EPHB1: variants seen among roughly 807,000 people sequenced by gnomAD.
EPHB1 encodes the protein EPH receptor B1, also known as ephrin type-B receptor 1.
In EPHB1, 30 loss-of-function variants were observed where a neutral mutation model predicts 94.4. The observed-to-expected ratio is 0.32, with a 90% confidence interval of 0.24 to 0.43. The LOEUF is 0.43. Among genes scored for constraint, EPHB1 ranks in the 20% least tolerant of loss-of-function variants. The probability of loss-of-function intolerance (pLI) is 1.00; values close to 1 mark genes in which losing one functional copy is unlikely to be tolerated. For synonymous variants in EPHB1, 522 were observed against 489.1 expected (o/e 1.07, Z -0.89); for missense variants, 1,055 against 1,308.3 (o/e 0.81, Z 2.99).
At chr3:134,936,654 C>T (rs1164926971) in intron 2 of EPHB1, among the ~76,000 whole-genome samples, 1 of 152,226 alleles carries the variant, frequency 6.6e-6, no homozygotes. Flanking sequence ...TCCATGCATG[C>T]TTGCATGCTG....
intron 3 of EPHB1, among the ~76,000 whole-genome samples, chr3:135,006,617 C>T (rs923253882): frequency 1.2e-4 from 19 of 152,248 alleles, no homozygotes; most frequent in African/African-American, 3.9e-4. Flanking sequence ...ATTGCTTAAC[C>T]CCAAAAGTTC....
intron 1 of EPHB1, among the ~76,000 whole-genome samples, chr3:134,811,054 C>T (rs2036164085): frequency 6.6e-6 from 1 of 151,970 alleles, no homozygotes; most frequent in South Asian, 2.1e-4. Context: ...CCCAGCTGAT[C>T]TCTCACTTCC....
chr3:135,077,174 C>G (rs1937964850), intron 3 of EPHB1, among the ~76,000 whole-genome samples: 1 of 152,120 alleles, frequency 6.6e-6, no homozygotes, highest in Non-Finnish European at 1.5e-5. Flanking sequence ...GAACCATGGA[C>G]AGGGAGAGAA....
chr3:134,853,804 C>T (rs1027578266), intron 1 of EPHB1, among the ~76,000 whole-genome samples: 2 of 152,082 alleles, frequency 1.3e-5, no homozygotes, highest in African/African-American at 2.4e-5. Flanking sequence ...TTTGGTCTTC[C>T]CTGCCCAGGG....
At chr3:135,258,577 A>C (rs2107736114) in intron 15 of EPHB1, among the ~76,000 whole-genome samples, 1 of 152,298 alleles carries the variant, frequency 6.6e-6, no homozygotes. Context: ...AAAACATCAG[A>C]AGACCAGGTG....
chr3:135,046,999 A>C (rs1358217599), intron 3 of EPHB1, among the ~76,000 whole-genome samples: 1 of 152,184 alleles, frequency 6.6e-6, no homozygotes, highest in African/African-American at 2.4e-5. Flanking sequence ...TGATGTAATG[A>C]GTCTGACTGA....
chr3:134,883,317 T>C (rs1459296871), intron 1 of EPHB1, among the ~76,000 whole-genome samples: 1 of 152,178 alleles, frequency 6.6e-6, no homozygotes. Context: ...CAGGCAGACA[T>C]GAGTGGCCAT....
At chr3:134,816,426 T>G (rs2036275084) in intron 1 of EPHB1, among the ~76,000 whole-genome samples, 1 of 152,066 alleles carries the variant, frequency 6.6e-6, no homozygotes, top group South Asian at 2.1e-4. Context: ...AGTGTTGGAT[T>G]CAGACAGGTC....
At chr3:135,173,557 A>G (rs1941880350) in intron 9 of EPHB1, among the ~76,000 whole-genome samples, 1 of 152,168 alleles carries the variant, frequency 6.6e-6, no homozygotes, top group Admixed American at 6.5e-5. Flanking sequence ...CTGGGCACCC[A>G]TGACCCCTGC....
intron 3 of EPHB1, among the ~76,000 whole-genome samples, chr3:134,974,610 AT>A: frequency 6.7e-6 from 1 of 149,180 alleles, no homozygotes; most frequent in African/African-American, 2.5e-5. Context: ...TGTGAATCTC[AT>A]CAACCCTTCT....
intron 2 of EPHB1, among the ~76,000 whole-genome samples, chr3:134,932,441 A>G (rs36172): frequency 0.58 from 87,450 of 151,990 alleles, 26,794 homozygotes; most frequent in African/African-American, 0.79. Context: ...CCAAAGCCGA[A>G]CAAAATCAAT....
chr3:134,806,935 G>A (rs1444914258), intron 1 of EPHB1, among the ~76,000 whole-genome samples: 1 of 152,208 alleles, frequency 6.6e-6, no homozygotes, highest in African/African-American at 2.4e-5. Context: ...AACTTAAAAC[G>A]GGGAAGGGAG....
intron 3 of EPHB1, among the ~76,000 whole-genome samples, chr3:134,956,579 G>A (rs771222062): frequency 6.6e-6 from 1 of 152,088 alleles, no homozygotes. Context: ...AAAGAGGAAG[G>A]GGGTATGCTT....
At chr3:135,099,322 C>T (rs7428416) in intron 3 of EPHB1, among the ~76,000 whole-genome samples, 1 of 27,526 alleles carries the variant, frequency 3.6e-5, no homozygotes, top group African/African-American at 1.0e-4. Flanking sequence ...GATGGATGGA[C>T]GGATGGATGG....
chr3:134,973,652 G>A (rs1331537966), intron 3 of EPHB1, among the ~76,000 whole-genome samples: 5 of 152,044 alleles, frequency 3.3e-5, no homozygotes, highest in East Asian at 3.9e-4. Flanking sequence ...GGCTAGTCTC[G>A]AACTCCTGAC....
At chr3:135,054,034 T>TACACAC (rs148821607) in intron 3 of EPHB1, among the ~76,000 whole-genome samples, 2 of 103,288 alleles carry the variant, frequency 1.9e-5, no homozygotes, top group East Asian at 4.8e-4. Flanking sequence ...CATATATATA[T>TACACAC]ATATATACAC....
At chr3:135,099,645 T>G (rs1333019009) in intron 3 of EPHB1, among the ~76,000 whole-genome samples, 2 of 152,118 alleles carry the variant, frequency 1.3e-5, no homozygotes, top group Non-Finnish European at 2.9e-5. Context: ...ACCAGTAATG[T>G]GAAAGTAATG....
rs569723368 is a variant in EPHB1, at chr3:135,052,793, G to A, written c.806-53655G>A. On this transcript the variant is annotated intron_variant, in intron 3 of 15. Coordinates refer to ENST00000398015, the MANE Select transcript of EPHB1 (RefSeq NM_004441.5). ...GGAGAATGGCGTGAACCCGGGAGGC[G>A]GAGCTTGCAGTGAGCCAAGATCATG... Among the ~76,000 whole-genome samples the A allele has an allele frequency of 6.6e-5, 9 of 135,638 alleles. No individual in the cohort carries two copies. The South Asian group carries it at 9.9e-4, about 15-fold the overall frequency. The allele number at this position is 135,638 out of a possible 152,430, so 89.0% of individuals were successfully genotyped here.
intron 3 of EPHB1, among the ~76,000 whole-genome samples, chr3:135,092,924 G>A (rs1938611305): frequency 6.6e-6 from 1 of 152,148 alleles, no homozygotes; most frequent in African/African-American, 2.4e-5. Context: ...ACCAAACCTG[G>A]CCTGGAGTCC....
Sources: allele counts gnomAD v4.1 joint callset (sites outside exome capture counted in the v4.1 genomes callset), GRCh38; gene constraint gnomAD v4.1.1; transcripts MANE v1.5; gene names NCBI Gene and HGNC (gene_info 2026-07-23, HGNC 2026-07-21).